The following TMEM117 variants were observed in gnomAD, a reference collection of about 807,000 sequenced individuals.
TMEM117 encodes transmembrane protein 117.
In TMEM117, 27 loss-of-function variants were observed where a neutral mutation model predicts 52.4. The observed-to-expected ratio is 0.51, with a 90% CI of 0.38 to 0.71. The LOEUF is 0.71. Ranked by LOEUF, TMEM117 falls within the 30% of genes least tolerant of loss-of-function variation. The pLI, the probability that TMEM117 is intolerant of heterozygous loss-of-function variation, is 0.00. For missense variants in TMEM117, 556 were observed against 630.5 expected (o/e 0.88, Z 1.26); for synonymous variants, 215 against 206.3 (o/e 1.04, Z -0.36).
intron 6 of TMEM117, among the ~76,000 whole-genome samples, chr12:44,305,848 C>T (rs143479895): frequency 1.1e-4 from 16 of 151,872 alleles, no homozygotes; most frequent in Non-Finnish European, 1.3e-4. Context: ...CAAAAAGACA[C>T]ATGCACACAT....
At chr12:44,309,820 CT>C (rs921789222) in intron 6 of TMEM117, among the ~76,000 whole-genome samples, 99 of 148,764 alleles carry the variant, frequency 6.7e-4, no homozygotes, top group African/African-American at 2.4e-3. Context: ...AAAGACCATA[CT>C]TTTTTTCATA....
chr12:44,381,138 G>T (rs1952014302), intron 7 of TMEM117, among the ~76,000 whole-genome samples: 1 of 151,998 alleles, frequency 6.6e-6, no homozygotes, highest in Non-Finnish European at 1.5e-5. Flanking sequence ...TTTATAAGCT[G>T]GGCTACAGCT....
intron 3 of TMEM117, among the ~76,000 whole-genome samples, chr12:44,098,992 G>C (rs758632111): frequency 6.6e-6 from 1 of 152,044 alleles, no homozygotes; most frequent in African/African-American, 2.4e-5. Flanking sequence ...TCTTTCAACT[G>C]TTCAGGGGAT....
chr12:43,859,337 T>C (rs1191948314), intron 2 of TMEM117, among the ~76,000 whole-genome samples: 2 of 152,130 alleles, frequency 1.3e-5, no homozygotes, highest in African/African-American at 4.8e-5. Flanking sequence ...TCTGGATCAG[T>C]AGTTTTGGGT....
the TMEM117 span, among the ~76,000 whole-genome samples, chr12:43,823,242 A>C: frequency 6.6e-6 from 1 of 152,190 alleles, no homozygotes; most frequent in Non-Finnish European, 1.5e-5. Flanking sequence ...CATACATTTT[A>C]TGTTATTAGC....
chr12:44,031,310 A>C (rs1278406578), intron 3 of TMEM117, among the ~76,000 whole-genome samples: 1 of 152,180 alleles, frequency 6.6e-6, no homozygotes, highest in Non-Finnish European at 1.5e-5. Context: ...GAGGTAACCA[A>C]AATTTGTCAA....
At chr12:44,331,801 C>T (rs536707459) in intron 6 of TMEM117, among the ~76,000 whole-genome samples, 6 of 152,014 alleles carry the variant, frequency 3.9e-5, no homozygotes, top group African/African-American at 1.2e-4. Context: ...ACCTGGAGAC[C>T]GAATCCATGC....
chr12:44,052,819 C>A (rs11182403), intron 3 of TMEM117, among the ~76,000 whole-genome samples: 2 of 152,136 alleles, frequency 1.3e-5, no homozygotes, highest in African/African-American at 4.8e-5. Flanking sequence ...CAGTCTCTTC[C>A]GCTTTAGATT....
chr12:44,370,203 A>G (rs1452414395), intron 6 of TMEM117, among the ~76,000 whole-genome samples: 2 of 152,166 alleles, frequency 1.3e-5, no homozygotes, highest in African/African-American at 2.4e-5. Flanking sequence ...CCCAACAAAC[A>G]TTTTTAATCA....
chr12:44,266,575 T>A (rs775138953), intron 5 of TMEM117, among the ~76,000 whole-genome samples: 1 of 152,174 alleles, frequency 6.6e-6, no homozygotes, highest in Non-Finnish European at 1.5e-5. Flanking sequence ...GTGGCTTGCA[T>A]TTTCAATTTA....
intron 5 of TMEM117, among the ~76,000 whole-genome samples, chr12:44,226,528 C>A (rs985035897): frequency 7.7e-6 from 1 of 129,364 alleles, no homozygotes; most frequent in Non-Finnish European, 1.7e-5. Context: ...TGTGTGTACA[C>A]ATATAATATA....
At chr12:44,217,873 T>A (rs1949738136) in intron 5 of TMEM117, among the ~76,000 whole-genome samples, 1 of 152,142 alleles carries the variant, frequency 6.6e-6, no homozygotes, top group Non-Finnish European at 1.5e-5. Flanking sequence ...GGGAATGTAA[T>A]ATGGAACAAG....
intron 5 of TMEM117, among the ~76,000 whole-genome samples, chr12:44,252,513 C>CAAAA (rs1950207968): frequency 6.6e-6 from 1 of 152,032 alleles, no homozygotes; most frequent in African/African-American, 2.4e-5. Flanking sequence ...CAAAAACAAA[C>CAAAA]AAACAAACAA....
the TMEM117 span, chr12:43,797,141 A>C: frequency 1.3e-6 from 2 of 1,529,420 alleles, no homozygotes; most frequent in South Asian, 2.4e-5. Context: ...ATATCAATAC[A>C]TAAACTTCAT....
chr12:44,099,848 G>A (rs1947832644), intron 3 of TMEM117, among the ~76,000 whole-genome samples: 1 of 151,966 alleles, frequency 6.6e-6, no homozygotes, highest in Non-Finnish European at 1.5e-5. Context: ...TTAGTAAAAA[G>A]GCTAAAATGA....
intron 5 of TMEM117, among the ~76,000 whole-genome samples, chr12:44,297,464 G>A (rs544539536): frequency 2.0e-5 from 3 of 152,178 alleles, no homozygotes; most frequent in Non-Finnish European, 4.4e-5. Context: ...GGATAACAGG[G>A]AGGTGAGAGG....
chr12:44,326,948 G>A (rs759549509), intron 6 of TMEM117, among the ~76,000 whole-genome samples: 1 of 152,174 alleles, frequency 6.6e-6, no homozygotes, highest in Non-Finnish European at 1.5e-5. Context: ...TCAAGGCGGA[G>A]GCCTTGGAAG....
intron 5 of TMEM117, among the ~76,000 whole-genome samples, chr12:44,284,169 T>C (rs1489742939): frequency 1.3e-5 from 2 of 152,000 alleles, no homozygotes; most frequent in African/African-American, 2.4e-5. Flanking sequence ...AAAAATTAGC[T>C]GGGCATGGTG....
chr12:44,270,702 A>G (rs1950435722), intron 5 of TMEM117, among the ~76,000 whole-genome samples: 1 of 152,078 alleles, frequency 6.6e-6, no homozygotes, highest in African/African-American at 2.4e-5. Context: ...CAGTTCTCAA[A>G]GGGAATGCTT....
Sources: allele counts gnomAD v4.1 joint callset (sites outside exome capture counted in the v4.1 genomes callset), GRCh38; gene constraint gnomAD v4.1.1; transcripts MANE v1.5; gene names NCBI Gene and HGNC (gene_info 2026-07-23, HGNC 2026-07-21).